The following ADAM32 variants were observed in gnomAD, a reference collection of about 807,000 sequenced individuals.
The protein encoded by ADAM32 is disintegrin and metalloproteinase domain-containing protein 32.
In ADAM32, 89 loss-of-function variants were observed where a neutral mutation model predicts 114.9. The observed-to-expected ratio is 0.77, with a 90% CI of 0.65 to 0.92. ADAM32 has a LOEUF of 0.92. Among genes scored for constraint, ADAM32 ranks in the 40% least tolerant of loss-of-function variants. ADAM32 has a pLI of 0.00. For synonymous variants in ADAM32, 285 were observed against 307.5 expected (o/e 0.93, Z 0.77); for missense variants, 870 against 932.8 (o/e 0.93, Z 0.88).
chr8:39,191,710 T>G (rs1365533629), intron 11 of ADAM32, among the ~76,000 whole-genome samples: 1 of 152,224 alleles, frequency 6.6e-6, no homozygotes, highest in Non-Finnish European at 1.5e-5. Context: ...GTTTGTTTAC[T>G]CTGTTGATAG....
intron 2 of ADAM32, among the ~76,000 whole-genome samples, chr8:39,133,067 A>G (rs888618277): frequency 1.3e-5 from 2 of 151,794 alleles, no homozygotes; most frequent in African/African-American, 4.8e-5. Context: ...GGACCATGCT[A>G]TTGTTGGGAT....
Position 39,240,223 on chromosome 8 carries a change from G to A in ADAM32, c.1819-5860G>A, listed in dbSNP as rs1431625946. Reference sequence around the variant, plus strand: ...CTTAAGAAAATTGAAATCATGTCAAGTACTCTCTCAGACCACAGCGGAATA... The same window carrying A: ...CTTAAGAAAATTGAAATCATGTCAAATACTCTCTCAGACCACAGCGGAATA... On this transcript the variant is annotated intron_variant, in intron 16 of 24. Coordinates refer to ENST00000379907, the MANE Select transcript of ADAM32 (RefSeq NM_145004.7). Among the ~76,000 whole-genome samples, 4 of 152,104 alleles carry A rather than the reference G, an allele frequency of 2.6e-5. No individual in the cohort carries two copies. The East Asian group carries it at 7.7e-4, about 29-fold the overall frequency.
intron 14 of ADAM32, among the ~76,000 whole-genome samples, chr8:39,228,436 C>G (rs1160946019): frequency 6.6e-6 from 1 of 152,016 alleles, no homozygotes; most frequent in Non-Finnish European, 1.5e-5. Context: ...AAAAATGATA[C>G]AAGAAGTGAA....
chr8:39,275,797 G>A (rs1244089815), intron 21 of ADAM32, 31 bp from the exon 22 acceptor site: 24 of 1,542,004 alleles, frequency 1.6e-5, no homozygotes, highest in Middle Eastern at 1.7e-4. Context: ...AAGTATTAAC[G>A]TGGAAGCATT....
chr8:39,234,276 C>T (rs1809957233), intron 16 of ADAM32, among the ~76,000 whole-genome samples, 194 bp downstream of exon 16: 2 of 150,606 alleles, frequency 1.3e-5, no homozygotes, highest in South Asian at 4.3e-4. Flanking sequence ...CTCCCACCCC[C>T]CATTAGAATT....
intron 4 of ADAM32, among the ~76,000 whole-genome samples, chr8:39,149,152 A>G (rs1377774217): frequency 6.6e-6 from 1 of 152,188 alleles, no homozygotes; most frequent in Non-Finnish European, 1.5e-5. Context: ...AACTTTAAAA[A>G]ACTTTTTTAT....
At chr8:39,133,818 C>T (rs1156951603) in intron 2 of ADAM32, among the ~76,000 whole-genome samples, 1 of 152,146 alleles carries the variant, frequency 6.6e-6, no homozygotes, top group East Asian at 1.9e-4. Flanking sequence ...GTTGGGTAGC[C>T]TGAGCTTGCC....
At position 39,232,049 on chromosome 8, in the gene ADAM32, C is replaced by T. The variant is rs767389892; in HGVS notation, c.1548C>T (p.Ala516=). The T allele has an allele frequency of 6.2e-7, 1 of 1,611,608 alleles. No individual in the cohort carries two copies. Among genetic ancestry groups the T allele is most frequent in the East Asian group, 2.2e-5 (1 of 44,740 alleles). The change falls in exon 15 of 25, where the codon GCC becomes GCT. Residue 516 remains alanine (A), a synonymous_variant. Coordinates refer to ENST00000379907, the MANE Select transcript of ADAM32 (RefSeq NM_145004.7). ...FGKGSRNAPF[A]CYEEIQSQSD... is the part of the protein sequence containing the mutation. ...CAGGTTCAAGAAATGCTCCATTTGC[C>T]TGCTATGAAGAAATACAATCTCAAT...
At chr8:39,155,122 A>T (rs180943262) in intron 6 of ADAM32, among the ~76,000 whole-genome samples, 4 of 152,358 alleles carry the variant, frequency 2.6e-5, no homozygotes, top group Admixed American at 1.3e-4. Context: ...GCAATATCAT[A>T]CTGAATGGGC....
intron 2 of ADAM32, among the ~76,000 whole-genome samples, chr8:39,134,985 G>A (rs1045712317): frequency 1.3e-5 from 2 of 151,990 alleles, no homozygotes; most frequent in African/African-American, 4.8e-5. Context: ...GAGGAACACC[G>A]TCTCTTCTAA....
chr8:39,258,207 T>C (rs1364988143), intron 19 of ADAM32, among the ~76,000 whole-genome samples: 1 of 151,898 alleles, frequency 6.6e-6, no homozygotes, highest in Non-Finnish European at 1.5e-5. Flanking sequence ...ATGTAACTTT[T>C]GGTTTCATTG....
At chr8:39,166,034 A>G (rs1231153030) in intron 9 of ADAM32, 1 of 151,976 alleles carries the variant, frequency 6.6e-6, no homozygotes, top group Non-Finnish European at 1.5e-5. Context: ...AAATAATTTC[A>G]TTATCTTTAA....
chr8:39,111,926 G>T (rs1356806241), intron 1 of ADAM32, among the ~76,000 whole-genome samples: 1 of 152,082 alleles, frequency 6.6e-6, no homozygotes. Flanking sequence ...AGGTGGGATA[G>T]TTGAGGCCAA....
At position 39,162,862 on chromosome 8, in the gene ADAM32, G is replaced by A. The variant is rs192515057; in HGVS notation, c.594+1897G>A. Reference sequence around the variant, plus strand: ...CTAAAAACACAAAAATTAGCCAGGCGTGGTGGTGGACACCTGTAGTCCCAG... The same window carrying A: ...CTAAAAACACAAAAATTAGCCAGGCATGGTGGTGGACACCTGTAGTCCCAG... On this transcript the variant is annotated intron_variant, in intron 7 of 24. Coordinates refer to ENST00000379907, the MANE Select transcript of ADAM32 (RefSeq NM_145004.7). 3.4e-3 allele frequency among the ~76,000 whole-genome samples: 512 copies of A among 152,158 alleles called. 7 individuals carry two copies. Among genetic ancestry groups the A allele is most frequent in the African/African-American group, 0.011 (467 of 41,516 alleles).
chr8:39,141,504 G>C (rs1316026663), intron 3 of ADAM32, among the ~76,000 whole-genome samples: 1 of 152,188 alleles, frequency 6.6e-6, no homozygotes, highest in Non-Finnish European at 1.5e-5. Flanking sequence ...GTGGTTTTGA[G>C]TGAGTTTCTT....
intron 6 of ADAM32, among the ~76,000 whole-genome samples, chr8:39,160,539 CAAAAAAAAAAAAAA>C (rs71218314): frequency 4.4e-5 from 3 of 68,354 alleles, no homozygotes; most frequent in African/African-American, 1.9e-4. Context: ...GACTCCATCT[CAAAAAAAAAAAAAA>C]AAAAAAAAAA....
chr8:39,258,034 C>T (rs536262888), intron 19 of ADAM32, among the ~76,000 whole-genome samples: 1 of 152,144 alleles, frequency 6.6e-6, no homozygotes, highest in Non-Finnish European at 1.5e-5. Context: ...TTATCCATAT[C>T]CCATAACCTA....
chr8:39,180,180 G>A (rs1452968227), intron 10 of ADAM32, among the ~76,000 whole-genome samples: 2 of 152,220 alleles, frequency 1.3e-5, no homozygotes, highest in Non-Finnish European at 2.9e-5. Context: ...TTCCGGGTGG[G>A]CGTGGGCTTG....
chr8:39,126,201 A>G (rs1391887396), intron 2 of ADAM32, among the ~76,000 whole-genome samples: 2 of 152,160 alleles, frequency 1.3e-5, no homozygotes, highest in South Asian at 2.1e-4. Flanking sequence ...TTCTAATTCT[A>G]TGAAGAATGT....
Sources: allele counts gnomAD v4.1 joint callset (sites outside exome capture counted in the v4.1 genomes callset), GRCh38; gene constraint gnomAD v4.1.1; transcripts MANE v1.5; gene names NCBI Gene and HGNC (gene_info 2026-07-23, HGNC 2026-07-21).